The following NEXN variants were observed in gnomAD, a reference collection of about 807,000 sequenced individuals.
NEXN encodes nexilin F-actin binding protein.
In NEXN, 65 loss-of-function variants were observed where a neutral mutation model predicts 92.6. That is an observed-to-expected ratio of 0.70 (90% CI 0.57 to 0.86). NEXN has a LOEUF of 0.86. Among genes scored for constraint, NEXN ranks in the 40% least tolerant of loss-of-function variants. NEXN has a pLI of 0.00. For synonymous variants in NEXN, 254 were observed against 242.5 expected, an observed-to-expected ratio of 1.05 and a Z score of -0.44; for missense variants, 778 against 771.1, an observed-to-expected ratio of 1.01 and a Z score of -0.11.
At chr1:77,900,261 C>T (rs1285476139) in intron 1 of NEXN, among the ~76,000 whole-genome samples, 2 of 152,078 alleles carry the variant, frequency 1.3e-5, no homozygotes, top group African/African-American at 4.8e-5. Context: ...TTGTGAAATT[C>T]TACTTATCTG....
At chr1:77,909,579 A>T (rs1159564817) in intron 1 of NEXN, among the ~76,000 whole-genome samples, 1 of 152,180 alleles carries the variant, frequency 6.6e-6, no homozygotes, top group Admixed American at 6.5e-5. Context: ...TGACACACTC[A>T]TGTATAGATG....
intron 1 of NEXN, among the ~76,000 whole-genome samples, chr1:77,892,166 TA>T (rs1472689281): frequency 6.6e-6 from 1 of 152,196 alleles, no homozygotes; most frequent in Non-Finnish European, 1.5e-5. Flanking sequence ...CGTCCTCTCT[TA>T]AAAATTGGAA....
rs756141582 is a variant in NEXN, at chr1:77,935,959, T to C, written c.1388T>C (p.Ile463Thr). Residue 463 changes from isoleucine (I) to threonine (T), a missense_variant, in exon 11 of 13, where the codon ATA (isoleucine) becomes ACA (threonine). Ile to Thr is a moderately conservative substitution (Grantham distance 89). Transcript: ENST00000334785. ...ATTGGACAGTTGTCTGAAAAAGAAA[T>C]ACAGAAAAAAATAGAAGAAGAGCGA... is the stretch of plus-strand genomic sequence containing the variant. ...EKIGQLSEKE[I>T]QKKIEEERAR... The C allele has an allele frequency of 5.0e-6, 8 of 1,613,410 alleles. No homozygotes were observed. In the East Asian group the frequency reaches 6.7e-5, roughly 13 times the overall value.
At chr1:77,897,764 C>A (rs1452589810) in intron 1 of NEXN, among the ~76,000 whole-genome samples, 2 of 152,142 alleles carry the variant, frequency 1.3e-5, no homozygotes, top group Admixed American at 1.3e-4. Flanking sequence ...GAAAACCCCA[C>A]TGTCTCAGCC....
chr1:77,933,619 C>T (rs750664380), intron 10 of NEXN, 140 bp downstream of exon 10: 205 of 679,694 alleles, frequency 3.0e-4, no homozygotes, highest in Non-Finnish European at 4.3e-4. Flanking sequence ...ATGGTACAGG[C>T]GTCTGCACAA....
chr1:77,894,484 AGGCTAGAGTGCAGT>A (rs1465722452), intron 1 of NEXN, among the ~76,000 whole-genome samples: 8 of 152,164 alleles, frequency 5.3e-5, no homozygotes, highest in Non-Finnish European at 1.2e-4. Context: ...TCTTTCACCC[AGGCTAGAGTGCAGT>A]GGCGTGATCA....
At chr1:77,926,035 C>CT (rs1571133965) in intron 6 of NEXN, among the ~76,000 whole-genome samples, 3 of 151,558 alleles carry the variant, frequency 2.0e-5, no homozygotes, top group South Asian at 4.2e-4. Flanking sequence ...TATGAGGAAA[C>CT]TTTTTTTTGT....
At chr1:77,934,700 G>A (rs983999887) in intron 10 of NEXN, among the ~76,000 whole-genome samples, 1 of 152,174 alleles carries the variant, frequency 6.6e-6, no homozygotes, top group Admixed American at 6.5e-5. Context: ...AAGGTAGAAT[G>A]GGGGCGTGTA....
chr1:77,891,747 T>TAAAA (rs373772489), intron 1 of NEXN, among the ~76,000 whole-genome samples: 1 of 129,034 alleles, frequency 7.7e-6, no homozygotes, highest in Non-Finnish European at 1.6e-5. Context: ...GGAAAAAAAG[T>TAAAA]AAAAAAAAAA....
chr1:77,938,795 A>G (rs2102166034), intron 11 of NEXN, among the ~76,000 whole-genome samples: 1 of 152,282 alleles, frequency 6.6e-6, no homozygotes, highest in South Asian at 2.1e-4. Context: ...CATTCCAGAT[A>G]GAGGAGAAGC....
intron 1 of NEXN, among the ~76,000 whole-genome samples, chr1:77,895,222 T>G (rs1170520581): frequency 6.6e-6 from 1 of 151,438 alleles, no homozygotes; most frequent in African/African-American, 2.4e-5. Flanking sequence ...TTTTTTTGTA[T>G]TTTTAGTAGA....
chr1:77,891,686 C>CA (rs1370938970), intron 1 of NEXN, among the ~76,000 whole-genome samples: 1 of 132,122 alleles, frequency 7.6e-6, no homozygotes, highest in Non-Finnish European at 1.6e-5. Flanking sequence ...CTATGGCAGT[C>CA]AAAAAGTCGA....
At chr1:77,901,105 C>T (rs1647669321) in intron 1 of NEXN, among the ~76,000 whole-genome samples, 1 of 152,140 alleles carries the variant, frequency 6.6e-6, no homozygotes, top group South Asian at 2.1e-4. Flanking sequence ...TCCTGTAACT[C>T]AGCAAATCTC....
At chr1:77,913,202 G>A (rs560945236) in intron 1 of NEXN, among the ~76,000 whole-genome samples, 1 of 152,250 alleles carries the variant, frequency 6.6e-6, no homozygotes, top group Non-Finnish European at 1.5e-5. Flanking sequence ...ATCACCTGAG[G>A]TCAGGAGTTT....
At chr1:77,926,259 A>G (rs1360466674) in intron 6 of NEXN, among the ~76,000 whole-genome samples, 155 bp from the exon 7 acceptor site, 2 of 152,204 alleles carry the variant, frequency 1.3e-5, no homozygotes. Flanking sequence ...CAAAGAATTT[A>G]GAGTAGGAGA....
intron 1 of NEXN, among the ~76,000 whole-genome samples, chr1:77,899,191 A>G (rs1167770450): frequency 1.3e-5 from 2 of 152,178 alleles, no homozygotes; most frequent in Non-Finnish European, 2.9e-5. Flanking sequence ...TCATGCTGCT[A>G]TAAAGACACA....
rs770748390 is a variant in NEXN at position 77,943,199 on chromosome 1, C to G, written c.*370C>G. 2.5e-5 allele frequency: 6 copies of G among 240,986 alleles called. No individual in the cohort carries two copies. The highest frequency in any genetic ancestry group is 5.1e-5 in the Admixed American group (1 of 19,732). The allele number at this position is 240,986 out of a possible 1,614,324, so 14.9% of individuals were successfully genotyped here. The stretch of plus-strand genomic sequence containing the variant: ...AACCTATTATAAAGACTGTATTTCC[C>G]ATAGACGTTTACAGCAACTATGTTT... On this transcript the variant is annotated 3_prime_UTR_variant, in exon 13 of 13. Transcript: ENST00000334785.
At chr1:77,925,414 T>G (rs1034979527) in intron 6 of NEXN, among the ~76,000 whole-genome samples, 185 bp downstream of exon 6, 3 of 152,190 alleles carry the variant, frequency 2.0e-5, no homozygotes, top group African/African-American at 7.2e-5. Flanking sequence ...AGCTTAGTGT[T>G]TTTAAAGAAA....
At chr1:77,890,288 C>G (rs1269753222) in intron 1 of NEXN, among the ~76,000 whole-genome samples, 1 of 152,128 alleles carries the variant, frequency 6.6e-6, no homozygotes, top group South Asian at 2.1e-4. Flanking sequence ...TTAAAGAATT[C>G]TAAGCTAAAA....
Sources: allele counts gnomAD v4.1 joint callset (sites outside exome capture counted in the v4.1 genomes callset), GRCh38; gene constraint gnomAD v4.1.1; transcripts MANE v1.5; gene names NCBI Gene and HGNC (gene_info 2026-07-23, HGNC 2026-07-21).